Variants in CLMP observed in about 807,000 individuals in gnomAD.
The protein encoded by CLMP is CXADR-like membrane protein.
Under a neutral mutation model 45.2 loss-of-function variants are expected in CLMP, and 27 were observed. The observed-to-expected ratio is 0.60, with a 90% CI of 0.44 to 0.82. The LOEUF is 0.82. Ranked by LOEUF, CLMP falls within the 40% of genes least tolerant of loss-of-function variation. The pLI is 0.00. For synonymous variants in CLMP, 167 were observed against 171.4 expected (o/e 0.97, Z 0.20); for missense variants, 403 against 448.4 (o/e 0.90, Z 0.91).
At chr11:123,076,869 T>G (rs1865746254) in intron 5 of CLMP, among the ~76,000 whole-genome samples, 1 of 152,084 alleles carries the variant, frequency 6.6e-6, no homozygotes, top group Non-Finnish European at 1.5e-5. Context: ...CTAGGAGGCG[T>G]ATAATAGTGC....
At chr11:123,152,664 A>C (rs1189909022) in intron 1 of CLMP, among the ~76,000 whole-genome samples, 2 of 152,144 alleles carry the variant, frequency 1.3e-5, no homozygotes, top group East Asian at 3.8e-4. Context: ...TTGTGAGAAA[A>C]TACATTTCTG....
chr11:123,104,389 AT>A (rs141417184), intron 1 of CLMP, among the ~76,000 whole-genome samples: 18 of 143,096 alleles, frequency 1.3e-4, no homozygotes, highest in Admixed American at 7.7e-4. Context: ...CCTGGGTTCT[AT>A]TTTTTTTTTC....
rs146070418 is a variant in CLMP at position 123,165,404 on chromosome 11, T to C, written c.28+29509A>G. 7.1e-3 allele frequency among the ~76,000 whole-genome samples: 1,074 copies of C among 152,260 alleles called. 13 individuals are homozygous for C. Among genetic ancestry groups the C allele is most frequent in the African/African-American group, 0.025 (1,023 of 41,546 alleles). ...CAGTTATGACATTAAAACAACAAAA[T>C]AGTGTATATGAAGTCCATGATCCAG... On this transcript the variant is annotated intron_variant, in intron 1 of 6. Transcript: ENST00000448775.
rs941676289 is a variant in CLMP, at chr11:123,071,155, C to T, written c.*2319G>A. 2.0e-5 allele frequency: 3 copies of T among 152,100 alleles called. No individual in the cohort carries two copies. The highest frequency in any genetic ancestry group is 1.9e-4 in the East Asian group (1 of 5,194). 9.4% of individuals were successfully genotyped at this position (152,100 alleles called of 1,614,324 possible). On this transcript the variant is annotated 3_prime_UTR_variant, in exon 7 of 7. Coordinates refer to ENST00000448775, the MANE Select transcript of CLMP (RefSeq NM_024769.5). The stretch of plus-strand genomic sequence containing the variant: ...TCTTCTTTTAAAAAGTATTCTGGGC[C>T]GGGCATGGTGGCTCACACCTGTAAT...
intron 1 of CLMP, among the ~76,000 whole-genome samples, chr11:123,150,437 A>AAGAAAGAAAGAT (rs1861299831): frequency 1.5e-5 from 1 of 65,502 alleles, no homozygotes; most frequent in African/African-American, 6.2e-5. Context: ...GAAAGAAAGA[A>AAGAAAGAAAGAT]AGAAAGAAAG....
intron 1 of CLMP, among the ~76,000 whole-genome samples, chr11:123,188,528 T>C (rs932593876): frequency 2.0e-5 from 3 of 152,140 alleles, no homozygotes; most frequent in African/African-American, 7.2e-5. Context: ...TCCCCCTTGC[T>C]GCCGCTCTTT....
At chr11:123,118,923 CT>C (rs199962365) in intron 1 of CLMP, among the ~76,000 whole-genome samples, 16 of 132,222 alleles carry the variant, frequency 1.2e-4, no homozygotes, top group South Asian at 7.3e-4. Context: ...TTTGCATTTT[CT>C]TTTCTTTTCT....
chr11:123,097,213 G>A (rs1191404238), intron 2 of CLMP, among the ~76,000 whole-genome samples: 1 of 150,088 alleles, frequency 6.7e-6, no homozygotes, highest in Non-Finnish European at 1.5e-5. Context: ...CAAGTGCAGT[G>A]GCTATTTACA....
At chr11:123,147,220 G>A (rs113815132) in intron 1 of CLMP, among the ~76,000 whole-genome samples, 13 of 152,006 alleles carry the variant, frequency 8.6e-5, no homozygotes, top group African/African-American at 2.9e-4. Flanking sequence ...ACCTCATCTC[G>A]TGTAGCTGTC....
At chr11:123,092,917 T>TC (rs1376877243) in intron 2 of CLMP, among the ~76,000 whole-genome samples, 8 of 149,992 alleles carry the variant, frequency 5.3e-5, no homozygotes, top group Non-Finnish European at 1.0e-4. Flanking sequence ...CTTTTTTTTT[T>TC]TTTTTTTTGA....
chr11:123,136,345 C>T (rs1861070483), intron 1 of CLMP: 1 of 591,636 alleles, frequency 1.7e-6, no homozygotes, highest in Admixed American at 2.2e-5. Context: ...AAGAGTCGTC[C>T]TCACTTTCAT....
intron 6 of CLMP, among the ~76,000 whole-genome samples, 155 bp downstream of exon 6, chr11:123,074,547 C>A (rs1004645161): frequency 1.3e-5 from 2 of 152,136 alleles, no homozygotes; most frequent in South Asian, 4.1e-4. Context: ...GTAAACCATA[C>A]CCTCTGTCCC....
At chr11:123,182,730 G>A (rs1049232892) in intron 1 of CLMP, among the ~76,000 whole-genome samples, 25 of 152,148 alleles carry the variant, frequency 1.6e-4, no homozygotes, top group African/African-American at 5.6e-4. Context: ...GCAAAAGGGT[G>A]TAGGCCAGTG....
chr11:123,143,735 A>C (rs752519962), intron 1 of CLMP, among the ~76,000 whole-genome samples: 50 of 152,184 alleles, frequency 3.3e-4, no homozygotes, highest in Non-Finnish European at 6.3e-4. Flanking sequence ...AACGACTTGC[A>C]TGTCCATGAC....
At chr11:123,159,664 G>A (rs1425447046) in intron 1 of CLMP, among the ~76,000 whole-genome samples, 1 of 152,212 alleles carries the variant, frequency 6.6e-6, no homozygotes, top group Non-Finnish European at 1.5e-5. Flanking sequence ...CAGTGAGGTG[G>A]CGGGAGGCCC....
chr11:123,083,831 G>A lies in CLMP; in HGVS notation c.405C>T (p.Pro135=). The stretch of plus-strand genomic sequence containing the variant: ...TCAGCTCTCCTTCCAACTCACACTT[G>A]GGCTTGGATGGTCTCACTGGCAACA... The part of the protein sequence containing the change: ...ILKVLVRPSK[P]KCELEGELTE... The change falls in exon 4 of 7, where the codon CCC becomes CCT. Residue 135 remains proline, a synonymous_variant. Coordinates refer to ENST00000448775, the MANE Select transcript of CLMP (RefSeq NM_024769.5). 1 of 1,613,076 alleles carries A rather than the reference G, an allele frequency of 6.2e-7. No individual in the cohort carries two copies. Among genetic ancestry groups the A allele is most frequent in the Non-Finnish European group, 8.5e-7 (1 of 1,179,964 alleles).
chr11:123,155,458 C>T (rs1312149619), intron 1 of CLMP, among the ~76,000 whole-genome samples: 2 of 151,730 alleles, frequency 1.3e-5, no homozygotes, highest in Non-Finnish European at 2.9e-5. Context: ...TTGCTAGTTG[C>T]GACACAGTAA....
intron 1 of CLMP, among the ~76,000 whole-genome samples, chr11:123,193,997 G>A (rs894933954): frequency 6.6e-6 from 1 of 152,126 alleles, no homozygotes; most frequent in Non-Finnish European, 1.5e-5. Context: ...GCTTCAGGGT[G>A]CATAGTGACG....
At chr11:123,116,431 G>A (rs1860720854) in intron 1 of CLMP, among the ~76,000 whole-genome samples, 1 of 152,004 alleles carries the variant, frequency 6.6e-6, no homozygotes, top group Admixed American at 6.6e-5. Flanking sequence ...AGCCAGGCAT[G>A]GTGGCAGGCA....
Sources: allele counts gnomAD v4.1 joint callset (sites outside exome capture counted in the v4.1 genomes callset), GRCh38; gene constraint gnomAD v4.1.1; transcripts MANE v1.5; gene names NCBI Gene and HGNC (gene_info 2026-07-23, HGNC 2026-07-21).